The following WDR90 variants were observed in gnomAD, a reference collection of about 807,000 sequenced individuals.
WDR90 encodes WD repeat-containing protein 90.
WDR90 carries 238 observed loss-of-function variants against 195.2 expected under a neutral mutation model. That is an observed-to-expected ratio of 1.22 (90% confidence interval 1.10 to 1.36). WDR90 has a LOEUF of 1.36. Among genes scored for constraint, WDR90 ranks in the 40% most tolerant of loss-of-function variants. The pLI is 0.00. For synonymous variants in WDR90, 1,265 were observed against 1,052.4 expected, an observed-to-expected ratio of 1.20 and a Z score of -3.91; for missense variants, 2,734 against 2,439.5, an observed-to-expected ratio of 1.12 and a Z score of -2.54.
chr16:654,853 C>T (rs904526128), intron 13 of WDR90, 176 bp from the exon 14 acceptor site: 22 of 616,682 alleles, frequency 3.6e-5, no homozygotes, highest in Non-Finnish European at 6.3e-5. Flanking sequence ...AGTCCCAAAG[C>T]TTCAGGATGA....
Position 653,414 on chromosome 16 carries a change from CGGGG to C in WDR90, c.1198_1201del (p.Gly400SerfsTer34). The C allele has an allele frequency of 6.2e-7, 1 of 1,611,010 alleles. No individual in the cohort carries two copies. Among genetic ancestry groups the C allele is most frequent in the Non-Finnish European group, 8.5e-7 (1 of 1,179,154 alleles). On this transcript the variant is annotated frameshift_variant, in exon 11 of 41. Coordinates refer to ENST00000293879, the MANE Select transcript of WDR90 (RefSeq NM_145294.5). LOFTEE classifies it high-confidence loss of function. ...GTCATCGTCGTCCTGCTCGTGGACA[CGGGG>C]GAGCAGCGCTTCTTCCTTGGCCACA...
At chr16:649,888 C>G (rs932789854) in intron 2 of WDR90, 34 bp downstream of exon 2, 1 of 1,577,580 alleles carries the variant, frequency 6.3e-7, no homozygotes. Context: ...GAGCCCACAC[C>G]CCTGCCCTGC....
chr16:650,416 G>C (rs1234476706), intron 4 of WDR90, 54 bp downstream of exon 4: 2 of 1,595,602 alleles, frequency 1.3e-6, no homozygotes, highest in Non-Finnish European at 1.7e-6. Context: ...GAGGGAGTTG[G>C]TGCAGGCCCA....
Position 650,985 on chromosome 16 carries a change from C to G in WDR90, c.560-10C>G, listed in dbSNP as rs373780809. On this transcript the variant is annotated splice_polypyrimidine_tract_variant and intron_variant, in intron 5 of 40. Transcript: ENST00000293879. Reference sequence around the variant, plus strand: ...CCTCCCTTGACCTGGAACAACCCTGCTCCTTGTAGCCATCTCTGGGGCCCA... The same window carrying G: ...CCTCCCTTGACCTGGAACAACCCTGGTCCTTGTAGCCATCTCTGGGGCCCA... 2.5e-6 allele frequency: 4 copies of G among 1,612,664 alleles called. No individual in the cohort carries two copies. The African/African-American group carries it at 5.3e-5, about 22-fold the overall frequency.
chr16:654,955 C>T, intron 13 of WDR90, 74 bp from the exon 14 acceptor site: 2 of 1,473,570 alleles, frequency 1.4e-6, no homozygotes, highest in Non-Finnish European at 9.4e-7. Context: ...CCGGGTGGGG[C>T]TCGGCTGGGC....
Position 649,819 on chromosome 16 carries a change from C to G in WDR90, c.67C>G (p.Arg23Gly), listed in dbSNP as rs779501690. Residue 23 changes from arginine to glycine, a missense_variant, in exon 2 of 41, where the codon CGC becomes GGC. Transcript: ENST00000293879. Reference protein sequence around the residue: ...FRHFRVDEWKRSAKQGDVAVV... With the variant: ...FRHFRVDEWKGSAKQGDVAVV... ...ACACTTCCGGGTGGACGAGTGGAAG[C>G]GCTCCGCCAAGCAGGGGGACGTGGC... 32 of 1,582,190 alleles carry G rather than the reference C, an allele frequency of 2.0e-5. No individual in the cohort carries two copies. The highest frequency in any genetic ancestry group is 2.7e-5 in the African/African-American group (2 of 74,398).
chr16:659,120 A>C lies in WDR90; in HGVS notation c.3046A>C (p.Lys1016Gln). ...CTTCCCCGGGGCCCCCCCAGCCTGC[A>C]AGACAGGTGAGTGGCTGTGCTCAGC... Reference protein sequence around the residue: ...QSFPGAPPACKTGPGAGPLED... With the variant: ...QSFPGAPPACQTGPGAGPLED... Residue 1016 changes from lysine to glutamine, a missense_variant, in exon 25 of 41, where the codon AAG becomes CAG. By Grantham distance (53) the Lys-to-Gln change is moderately conservative (BLOSUM62 1). Transcript: ENST00000293879. 1 of 1,611,788 alleles carries C rather than the reference A, an allele frequency of 6.2e-7. No individual in the cohort carries two copies. The highest frequency in any genetic ancestry group is 8.5e-7 in the Non-Finnish European group (1 of 1,179,856).
In WDR90 at chr16:661,752, C is replaced by G; in HGVS notation, c.3829C>G (p.Leu1277Val). Reference sequence around the variant, plus strand: ...GGGCCAGGGCACTGTCACCTTCTGGCTCCTTCAGCAGCGTGGGGCAGACAT... The same window carrying G: ...GGGCCAGGGCACTGTCACCTTCTGGGTCCTTCAGCAGCGTGGGGCAGACAT... Reference protein sequence around the residue: ...CVGQGTVTFWLLQQRGADISL... With the variant: ...CVGQGTVTFWVLQQRGADISL... The change falls in exon 31 of 41, where the codon CTC (leucine) becomes GTC (valine). Residue 1277 changes from leucine (L) to valine (V), a missense_variant. Physicochemically the swap from Leu to Val is conservative, Grantham distance 32. Transcript: ENST00000293879. 2 of 1,609,320 alleles carry G rather than the reference C, an allele frequency of 1.2e-6. No individual in the cohort carries two copies. Among genetic ancestry groups the G allele is most frequent in the Non-Finnish European group, 1.7e-6 (2 of 1,178,132 alleles).
At position 650,608 on chromosome 16, in the gene WDR90, T is replaced by C; in HGVS notation, c.458T>C (p.Leu153Pro). The part of the protein sequence containing the change: ...CLQLDLQDVL[L>P]VYLNRCYGHL... The stretch of plus-strand genomic sequence containing the variant: ...CAGCTCGATCTGCAGGACGTTCTCC[T>C]GGTCTACCTGAACCGGTGCTACGGC... The change falls in exon 5 of 41, where the codon CTG becomes CCG. Residue 153 changes from leucine to proline, a missense_variant. Physicochemically the swap from Leu to Pro is moderately conservative, Grantham distance 98. Transcript: ENST00000293879. The C allele has an allele frequency of 6.2e-7, 1 of 1,612,790 alleles. No homozygotes were observed. The highest frequency in any genetic ancestry group is 8.5e-7 in the Non-Finnish European group (1 of 1,179,926).
Position 666,808 on chromosome 16 carries a change from C to A in WDR90, c.5004+16C>A. On this transcript the variant is annotated intron_variant, in intron 39 of 40. Coordinates refer to ENST00000293879, the MANE Select transcript of WDR90 (RefSeq NM_145294.5). ...CCAGAAGCAGGTACACGCAGCTGCC[C>A]GCGTGTCACTGGGAGCCCCAGGGAT... is the stretch of plus-strand genomic sequence containing the variant. 1 of 1,612,530 alleles carries A rather than the reference C, an allele frequency of 6.2e-7. No homozygotes were observed. The highest frequency in any genetic ancestry group is 8.5e-7 in the Non-Finnish European group (1 of 1,179,772).
rs368131886 is a variant in WDR90, at chr16:650,621, C to T, written c.471C>T (p.Asn157=). 8.7e-6 allele frequency: 14 copies of T among 1,612,696 alleles called. No individual in the cohort carries two copies. The East Asian group carries it at 3.1e-4, about 36-fold the overall frequency. The stretch of plus-strand genomic sequence containing the variant: ...AGGACGTTCTCCTGGTCTACCTGAA[C>T]CGGTGCTACGGCCATCTCAAGAGCA... ...DLQDVLLVYL[N]RCYGHLKSIR... The change falls in exon 5 of 41, where the codon AAC becomes AAT. Residue 157 remains asparagine (N), a synonymous_variant. Transcript: ENST00000293879.
intron 34 of WDR90, chr16:663,466 C>T (rs933025953): frequency 8.7e-6 from 2 of 229,994 alleles, no homozygotes; most frequent in Admixed American, 5.3e-5. Flanking sequence ...AACCCCACAT[C>T]GTCTGTCCCT....
At chr16:653,907 T>C in intron 13 of WDR90, 104 bp downstream of exon 13, 6 of 1,422,920 alleles carry the variant, frequency 4.2e-6, no homozygotes, top group Non-Finnish European at 5.8e-6. Context: ...TGACCCTGGG[T>C]CCCTGCTCTG....
upstream of WDR90, chr16:649,017 AGG>A (rs1217736325): frequency 5.1e-6 from 1 of 194,770 alleles, no homozygotes; most frequent in Admixed American, 6.1e-5. Context: ...AGAGAGCGGC[AGG>A]GTGAGGCCCG....
intron 23 of WDR90, 84 bp downstream of exon 23, chr16:658,737 G>A: frequency 6.4e-7 from 1 of 1,563,588 alleles, no homozygotes; most frequent in Non-Finnish European, 8.7e-7. Context: ...GTGGGTGGGG[G>A]CAGGGAGAGC....
In WDR90 at chr16:666,661, G is replaced by A. The variant is rs1400291345; in HGVS notation, c.4885-12G>A. The stretch of plus-strand genomic sequence containing the variant: ...CCCATCCACCCCACCGCAGCATGCT[G>A]CGCCTTTGCAGACTCAGGGCCACCT... On this transcript the variant is annotated splice_polypyrimidine_tract_variant and intron_variant, in intron 38 of 40. Transcript: ENST00000293879. The A allele has an allele frequency of 6.2e-7, 1 of 1,612,364 alleles. No homozygotes were observed. Among genetic ancestry groups the A allele is most frequent in the African/African-American group, 1.3e-5 (1 of 74,946 alleles).
At chr16:664,551 T>TGGTTCTGCCTGGGC (rs1056012768) in intron 34 of WDR90, among the ~76,000 whole-genome samples, 1 of 152,160 alleles carries the variant, frequency 6.6e-6, no homozygotes, top group Non-Finnish European at 1.5e-5. Flanking sequence ...CCCGCCTGTG[T>TGGTTCTGCCTGGGC]GGTTCTGCCT....
chr16:657,322 A>G, intron 20 of WDR90, 101 bp downstream of exon 20: 1 of 1,432,016 alleles, frequency 7.0e-7, no homozygotes, highest in Non-Finnish European at 9.2e-7. Flanking sequence ...TTCCTGGTGC[A>G]CCGACTGGGT....
intron 14 of WDR90, 41 bp downstream of exon 14, chr16:655,188 G>A (rs1160564938): frequency 6.2e-7 from 1 of 1,612,394 alleles, no homozygotes; most frequent in Non-Finnish European, 8.5e-7. Flanking sequence ...AGAGGGTCTG[G>A]GCCCGGAGTG....
Sources: allele counts gnomAD v4.1 joint callset (sites outside exome capture counted in the v4.1 genomes callset), GRCh38; gene constraint gnomAD v4.1.1; transcripts MANE v1.5; gene names NCBI Gene and HGNC (gene_info 2026-07-23, HGNC 2026-07-21).